Variants in SNX7 observed in about 807,000 individuals in gnomAD.
SNX7 encodes sorting nexin-7.
A neutral mutation model predicts 48.4 loss-of-function variants in SNX7; 35 were observed. The ratio of observed to expected loss-of-function variants is 0.72; its 90% CI spans 0.55 to 0.96. The LOEUF is 0.96. SNX7 is among the 40% of genes least tolerant of loss of function. SNX7 has a pLI of 0.00. For missense variants in SNX7, 553 were observed against 548.9 expected, an observed-to-expected ratio of 1.01 and a Z score of -0.07; for synonymous variants, 190 against 190.2, an observed-to-expected ratio of 1.00 and a Z score of 0.01.
Position 98,666,715 on chromosome 1 carries a change from G to A in SNX7, c.180+4804G>A, listed in dbSNP as rs375511111. Among the ~76,000 whole-genome samples the A allele has an allele frequency of 2.3e-4, 35 of 152,246 alleles. No homozygotes were observed. The South Asian group carries it at 6.6e-3, about 29-fold the overall frequency. On this transcript the variant is annotated intron_variant, in intron 1 of 8. Transcript: ENST00000306121. ...TGCTGCTTTCCTTGAACTTGGGTGG[G>A]ATTATGACTGCCTTGATCTATAGGA...
intron 1 of SNX7, among the ~76,000 whole-genome samples, chr1:98,675,620 G>A (rs974416095): frequency 2.0e-5 from 3 of 152,172 alleles, no homozygotes; most frequent in Admixed American, 6.5e-5. Context: ...TGAGCAAAAA[G>A]AATGCCAAAG....
chr1:98,706,410 A>G (rs1288184193), intron 7 of SNX7, among the ~76,000 whole-genome samples: 3 of 152,190 alleles, frequency 2.0e-5, no homozygotes, highest in East Asian at 1.9e-4. Context: ...AGAAGAAGCA[A>G]GAAGACCAGT....
At chr1:98,679,649 C>T (rs1650368123) in intron 1 of SNX7, among the ~76,000 whole-genome samples, 1 of 152,020 alleles carries the variant, frequency 6.6e-6, no homozygotes, top group Admixed American at 6.6e-5. Flanking sequence ...AGAAATTGGC[C>T]AAAACAAAGG....
At chr1:98,666,533 G>A (rs1287231539) in intron 1 of SNX7, among the ~76,000 whole-genome samples, 1 of 152,124 alleles carries the variant, frequency 6.6e-6, no homozygotes, top group Non-Finnish European at 1.5e-5. Context: ...ATAGGTGCCA[G>A]CCTCCTAGGG....
chr1:98,708,588 C>G (rs113002693), intron 7 of SNX7, among the ~76,000 whole-genome samples: 52 of 152,228 alleles, frequency 3.4e-4, no homozygotes, highest in African/African-American at 1.3e-3. Context: ...TGCACACACA[C>G]AGCTGGCGGG....
rs148564422 is a variant in SNX7, at chr1:98,676,809, C to T, written c.181-8076C>T. 1.1e-4 allele frequency among the ~76,000 whole-genome samples: 16 copies of T among 152,260 alleles called. No individual in the cohort carries two copies. The East Asian group carries it at 2.9e-3, about 28-fold the overall frequency. ...TTTGGATCTGAGATATTTTGGAAAT[C>T]ATCAGGTCCAACTTTGTAATTTAAC... is the stretch of plus-strand genomic sequence containing the variant. On this transcript the variant is annotated intron_variant, in intron 1 of 8. Coordinates refer to ENST00000306121, the MANE Select transcript of SNX7 (RefSeq NM_015976.5).
At chr1:98,757,070 G>C (rs1294169932) in intron 8 of SNX7, among the ~76,000 whole-genome samples, 1 of 152,022 alleles carries the variant, frequency 6.6e-6, no homozygotes, top group African/African-American at 2.4e-5. Flanking sequence ...ACGCCATGCG[G>C]CATGCCTGCT....
At chr1:98,720,875 T>C (rs1032278217) in intron 7 of SNX7, among the ~76,000 whole-genome samples, 14 of 152,016 alleles carry the variant, frequency 9.2e-5, no homozygotes, top group Non-Finnish European at 1.8e-4. Flanking sequence ...CTCATGGAAG[T>C]TTTAGCTTTG....
chr1:98,720,363 A>G (rs1004713403), intron 7 of SNX7, among the ~76,000 whole-genome samples: 1 of 152,140 alleles, frequency 6.6e-6, no homozygotes, highest in Non-Finnish European at 1.5e-5. Flanking sequence ...CCATTAATTG[A>G]ATTTGCCTCA....
At chr1:98,728,872 A>G (rs1653337533) in intron 7 of SNX7, among the ~76,000 whole-genome samples, 2 of 152,180 alleles carry the variant, frequency 1.3e-5, no homozygotes, top group Admixed American at 6.5e-5. Flanking sequence ...CACTTTCAGT[A>G]TTACACAGAT....
chr1:98,704,229 C>T (rs925750488), intron 7 of SNX7, among the ~76,000 whole-genome samples: 3 of 152,106 alleles, frequency 2.0e-5, no homozygotes, highest in Non-Finnish European at 4.4e-5. Context: ...GTTTAATACC[C>T]ATGTAGCTGC....
chr1:98,703,535 A>G (rs569607336), intron 7 of SNX7, among the ~76,000 whole-genome samples: 11 of 152,224 alleles, frequency 7.2e-5, no homozygotes, highest in African/African-American at 2.4e-4. Flanking sequence ...CAGAAAATGT[A>G]GAACTAGATG....
intron 7 of SNX7, among the ~76,000 whole-genome samples, chr1:98,738,002 A>G (rs1175096075): frequency 2.0e-5 from 3 of 152,202 alleles, no homozygotes; most frequent in African/African-American, 7.2e-5. Flanking sequence ...GACTTAGCCA[A>G]GGCCAGGTGC....
At chr1:98,755,575 T>C (rs1052184359) in intron 8 of SNX7, among the ~76,000 whole-genome samples, 2 of 152,154 alleles carry the variant, frequency 1.3e-5, no homozygotes, top group East Asian at 1.9e-4. Flanking sequence ...CTAATACTAA[T>C]GTAGCCATGC....
At chr1:98,703,411 C>T (rs1020315631) in intron 7 of SNX7, among the ~76,000 whole-genome samples, 6 of 152,068 alleles carry the variant, frequency 3.9e-5, no homozygotes, top group African/African-American at 4.8e-5. Context: ...ATTACTCTCA[C>T]GTTTCTTGAC....
At chr1:98,666,305 A>G (rs930396567) in intron 1 of SNX7, among the ~76,000 whole-genome samples, 31 of 152,258 alleles carry the variant, frequency 2.0e-4, no homozygotes, top group Non-Finnish European at 1.5e-5. Flanking sequence ...TAAAGGGACA[A>G]GAAATGGAAA....
intron 5 of SNX7, 99 bp from the exon 6 acceptor site, chr1:98,698,607 A>G: frequency 1.0e-6 from 1 of 980,280 alleles, no homozygotes; most frequent in Non-Finnish European, 1.5e-6. Context: ...GAACATGTGC[A>G]CTGTGAGAGA....
In SNX7 at chr1:98,701,931, C is replaced by G. The variant is rs772131362; in HGVS notation, c.1125+28C>G. On this transcript the variant is annotated intron_variant, in intron 7 of 8. Transcript: ENST00000306121. ...AAGTTTTTAAGTTTCTTGATACAAT[C>G]ATATAGAATTCATTGTCTAAAATTT... 4.0e-6 allele frequency: 6 copies of G among 1,483,848 alleles called. No individual in the cohort carries two copies. In the South Asian group the frequency reaches 7.2e-5, roughly 18 times the overall value. 91.9% of individuals were successfully genotyped at this position (1,483,848 alleles called of 1,614,324 possible). A position where few individuals can be genotyped will look rare whatever the true frequency, so the allele number is the denominator to read the frequency against.
intron 7 of SNX7, among the ~76,000 whole-genome samples, chr1:98,730,382 C>T (rs1253331973): frequency 2.0e-5 from 3 of 152,082 alleles, no homozygotes; most frequent in Admixed American, 2.0e-4. Context: ...CACTCCTATT[C>T]AGCTTACTAT....
Sources: allele counts gnomAD v4.1 joint callset (sites outside exome capture counted in the v4.1 genomes callset), GRCh38; gene constraint gnomAD v4.1.1; transcripts MANE v1.5; gene names NCBI Gene and HGNC (gene_info 2026-07-23, HGNC 2026-07-21).